KIF1B: variants seen among roughly 807,000 people sequenced by gnomAD.
KIF1B encodes the protein kinesin family member 1B.
Under a neutral mutation model 241.9 loss-of-function variants are expected in KIF1B, and 76 were observed. The ratio of observed to expected loss-of-function variants is 0.31; its 90% CI spans 0.26 to 0.38. The LOEUF (loss-of-function observed/expected upper bound fraction) is 0.38, where lower values mean the gene tolerates loss of function less well. Among genes scored for constraint, KIF1B ranks in the 10% least tolerant of loss-of-function variants. KIF1B has a pLI of 1.00. For missense variants in KIF1B, 1,622 were observed against 2,271.4 expected, an observed-to-expected ratio of 0.71 and a Z score of 5.81; for synonymous variants, 750 against 796.7, an observed-to-expected ratio of 0.94 and a Z score of 0.99.
chr1:10,299,995 G>C (rs1650457743), intron 22 of KIF1B, among the ~76,000 whole-genome samples: 2 of 152,094 alleles, frequency 1.3e-5, no homozygotes, highest in African/African-American at 4.8e-5. Context: ...CCAGCACTTT[G>C]GGAGGCCAGG....
rs1196747126 is a variant in KIF1B at position 10,371,177 on chromosome 1, G to A, written c.4861G>A (p.Glu1621Lys). ...CTCTCCAATTGGACGGGATCCCTCT[G>A]AGTCCAGTTTCAGCAGTGCCACCCT... ...DISPIGRDPSESSFSSATLTP... is the reference protein window; with the variant it reads ...DISPIGRDPSKSSFSSATLTP... Residue 1621 changes from glutamate to lysine, a missense_variant, in exon 45 of 49, where the codon GAG becomes AAG. Around this residue, in one of 7 missense-constraint regions of KIF1B, gnomAD observed 357 missense variants for 409.0 expected, o/e 0.87. Coordinates refer to ENST00000676179, the MANE Select transcript of KIF1B (RefSeq NM_001365951.3). 1 of 1,614,078 alleles carries A rather than the reference G, an allele frequency of 6.2e-7. No individual in the cohort carries two copies. The highest frequency in any genetic ancestry group is 8.5e-7 in the Non-Finnish European group (1 of 1,179,994).
chr1:10,335,594 G>A (rs979818564), intron 28 of KIF1B, among the ~76,000 whole-genome samples: 4 of 152,074 alleles, frequency 2.6e-5, no homozygotes, highest in African/African-American at 9.7e-5. Context: ...ATTAACAAAG[G>A]ATTGTTAGGC....
At chr1:10,278,187 A>G (rs1649221441) in intron 13 of KIF1B, 59 bp downstream of exon 13, 2 of 1,537,122 alleles carry the variant, frequency 1.3e-6, no homozygotes, top group Admixed American at 1.7e-5. Context: ...GTTCTTATTC[A>G]GCGTTCTTAT....
chr1:10,316,031 G>C, intron 22 of KIF1B, among the ~76,000 whole-genome samples: 1 of 146,788 alleles, frequency 6.8e-6, no homozygotes. Context: ...ACTCCAGCCT[G>C]GGTGACAGAG....
chr1:10,278,123 T>C lies in KIF1B; in HGVS notation c.1175T>C (p.Ile392Thr), dbSNP rs1381974069. 7 of 1,613,832 alleles carry C rather than the reference T, an allele frequency of 4.3e-6. No homozygotes were observed. Among genetic ancestry groups the C allele is most frequent in the Non-Finnish European group, 5.1e-6 (6 of 1,179,864 alleles). ...LLRAQGLGDI[I>T]DIDPLIDDYS... ...CGTGCTCAGGGCCTGGGAGATATTATTGATAGTAAGTGAATTAAGGATCGT... is the reference window on the plus strand; with the variant it reads ...CGTGCTCAGGGCCTGGGAGATATTACTGATAGTAAGTGAATTAAGGATCGT... Residue 392 changes from isoleucine to threonine, a missense_variant, in exon 13 of 49, where the codon ATT (isoleucine) becomes ACT (threonine). Physicochemically the swap from Ile to Thr is moderately conservative, Grantham distance 89 (BLOSUM62 -1). Coordinates refer to ENST00000676179, the MANE Select transcript of KIF1B (RefSeq NM_001365951.3).
intron 23 of KIF1B, 129 bp downstream of exon 23, chr1:10,320,265 G>T: frequency 1.5e-6 from 1 of 659,858 alleles, no homozygotes; most frequent in Non-Finnish European, 2.8e-6. Flanking sequence ...ATTTTACTGA[G>T]CCAGTTTACA....
In KIF1B at chr1:10,376,834, A is replaced by AACACACACACACACACAC. The variant is rs111663673; in HGVS notation, c.*263_*280dup. ...CTAACAAAAGGAAAAAATGTTTTTAAACACACACACACACACACACACACA... is the reference window on the plus strand; with the variant it reads ...CTAACAAAAGGAAAAAATGTTTTTAAACACACACACACACACACACACACACACACACACACACACACA... On this transcript the variant is annotated 3_prime_UTR_variant, in exon 49 of 49. Transcript: ENST00000676179. 7 of 442,508 alleles carry AACACACACACACACACAC rather than the reference A, an allele frequency of 1.6e-5. No homozygotes were observed. Among genetic ancestry groups the AACACACACACACACACAC allele is most frequent in the African/African-American group, 1.0e-4 (5 of 48,804 alleles). 27.4% of individuals were successfully genotyped at this position (442,508 alleles called of 1,614,324 possible).
At chr1:10,283,161 C>T (rs1008356738) in intron 15 of KIF1B, among the ~76,000 whole-genome samples, 6 of 129,262 alleles carry the variant, frequency 4.6e-5, no homozygotes, top group Non-Finnish European at 9.2e-5. Flanking sequence ...GAGCCGAGAT[C>T]GTGCCACTGC....
chr1:10,244,611 C>T (rs902357119), intron 2 of KIF1B, among the ~76,000 whole-genome samples: 1 of 141,976 alleles, frequency 7.0e-6, no homozygotes, highest in African/African-American at 2.6e-5. Flanking sequence ...CGCGCCCGGC[C>T]CTCCTTTTTT....
At chr1:10,289,740 C>T (rs768040004) in intron 15 of KIF1B, among the ~76,000 whole-genome samples, 3 of 151,948 alleles carry the variant, frequency 2.0e-5, no homozygotes, top group Non-Finnish European at 4.4e-5. Context: ...AAAAACTTGC[C>T]GGACATAGTG....
intron 22 of KIF1B, chr1:10,306,395 C>T: frequency 1.9e-6 from 2 of 1,025,946 alleles, no homozygotes; most frequent in Non-Finnish European, 2.4e-6. Context: ...TTTTATTCCT[C>T]TTTAGACATA....
intron 2 of KIF1B, among the ~76,000 whole-genome samples, chr1:10,236,455 T>A (rs1486244114): frequency 6.6e-6 from 1 of 152,210 alleles, no homozygotes; most frequent in African/African-American, 2.4e-5. Context: ...CAGGAGTAAT[T>A]TGTGACTTTT....
Position 10,375,329 on chromosome 1 carries a change from C to T in KIF1B, c.5364C>T (p.Asn1788=), listed in dbSNP as rs146120509. 1.4e-5 allele frequency: 23 copies of T among 1,613,972 alleles called. No homozygotes were observed. Among genetic ancestry groups the T allele is most frequent in the Middle Eastern group, 1.7e-4 (1 of 6,042 alleles). The change falls in exon 48 of 49, where the codon AAC becomes AAT. Residue 1788 remains asparagine, a synonymous_variant. Transcript: ENST00000676179. ...LLQALNDKDM[N]DWLYAFNPLL... is the part of the protein sequence containing the mutation. ...AGGCCCTCAATGACAAAGACATGAA[C>T]GACTGGTTGTATGCCTTCAACCCAC...
chr1:10,262,611 G>T (rs996080432), intron 5 of KIF1B, among the ~76,000 whole-genome samples: 2 of 152,146 alleles, frequency 1.3e-5, no homozygotes, highest in Non-Finnish European at 2.9e-5. Context: ...AGCACCCATT[G>T]TGCCCTTGCC....
At position 10,379,829 on chromosome 1, in the gene KIF1B, G is replaced by A. The variant is rs982478335; in HGVS notation, c.*3242G>A. 3 of 229,892 alleles carry A rather than the reference G, an allele frequency of 1.3e-5. No individual in the cohort carries two copies. Among genetic ancestry groups the A allele is most frequent in the Non-Finnish European group, 2.6e-5 (3 of 116,096 alleles). 14.2% of individuals were successfully genotyped at this position (229,892 alleles called of 1,614,324 possible). On this transcript the variant is annotated 3_prime_UTR_variant, in exon 49 of 49. Transcript: ENST00000676179. ...TGTGCCCTCCTGGGAGTCAGTCAGC[G>A]CTCAGGCCAGGACTGTGCAGGGCCA...
rs2102249758 is a variant in KIF1B, at chr1:10,292,303, T to C, written c.1590+181T>C. The C allele has an allele frequency of 2.0e-5, 12 of 604,744 alleles. No individual in the cohort carries two copies. The South Asian group carries it at 2.1e-4, about 11-fold the overall frequency. The allele number at this position is 604,744 out of a possible 1,614,324, so 37.5% of individuals were successfully genotyped here. A position where few individuals can be genotyped will look rare whatever the true frequency, so the allele number is the denominator to read the frequency against. On this transcript the variant is annotated intron_variant, in intron 17 of 48. Coordinates refer to ENST00000676179, the MANE Select transcript of KIF1B (RefSeq NM_001365951.3). ...TCTTATAGTACAAAGGCAGCCTATT[T>C]CTAAAATGCCTATCTTGTTTACTGT...
chr1:10,210,688 C>G lies in KIF1B; in HGVS notation c.-270C>G, dbSNP rs1427683791. The stretch of plus-strand genomic sequence containing the variant: ...GCCTCCCGCACTCGCGCACTCCTGT[C>G]CGCCGCCCACCGCCCACCTCCCACC... On this transcript the variant is annotated 5_prime_UTR_variant, in exon 1 of 49. Transcript: ENST00000676179. This position sits in a 1 kb window ranked among gnomAD's most constrained non-coding sequence, Gnocchi z 4.1. The G allele has an allele frequency of 1.3e-5, 2 of 151,576 alleles. No individual in the cohort carries two copies. The highest frequency in any genetic ancestry group is 4.8e-5 in the African/African-American group (2 of 41,366). 9.4% of individuals were successfully genotyped at this position (151,576 alleles called of 1,614,324 possible).
chr1:10,304,903 G>A, intron 22 of KIF1B: 1 of 1,343,980 alleles, frequency 7.4e-7, no homozygotes, highest in Non-Finnish European at 9.6e-7. Flanking sequence ...TCCTTTTTTA[G>A]TGCCTAATTA....
At chr1:10,257,740 A>G (rs1647880431) in intron 3 of KIF1B, among the ~76,000 whole-genome samples, 1 of 151,764 alleles carries the variant, frequency 6.6e-6, no homozygotes, top group South Asian at 2.1e-4. Context: ...CAGTGGCATG[A>G]TCTCAGCTCA....
Sources: allele counts gnomAD v4.1 joint callset (sites outside exome capture counted in the v4.1 genomes callset), GRCh38; gene constraint gnomAD v4.1.1; regional missense constraint gnomAD v4.1.1; non-coding constraint Gnocchi (gnomAD v3.1); transcripts MANE v1.5; gene names NCBI Gene and HGNC (gene_info 2026-07-23, HGNC 2026-07-21).